CDK7: variants seen among roughly 807,000 people sequenced by gnomAD.
CDK7 encodes the protein cyclin dependent kinase 7.
A neutral mutation model predicts 49.1 loss-of-function variants in CDK7; 25 were observed. The observed-to-expected ratio is 0.51, with a 90% CI of 0.37 to 0.71. The LOEUF (loss-of-function observed/expected upper bound fraction) is 0.71, where lower values mean the gene tolerates loss of function less well. Ranked by LOEUF, CDK7 falls within the 30% of genes least tolerant of loss-of-function variation. The pLI is 0.00. For missense variants in CDK7, 316 were observed against 411.7 expected, an observed-to-expected ratio of 0.77 and a Z score of 2.01; for synonymous variants, 107 against 140.0, an observed-to-expected ratio of 0.76 and a Z score of 1.67.
rs377307018 is a variant in CDK7, at chr5:69,268,721, C to T, written c.628-486C>T. Among the ~76,000 whole-genome samples the T allele has an allele frequency of 6.0e-5, 9 of 150,762 alleles. No homozygotes were observed. In the East Asian group the frequency reaches 6.0e-4, roughly 10 times the overall value. On this transcript the variant is annotated intron_variant, in intron 8 of 11. Coordinates refer to ENST00000256443, the MANE Select transcript of CDK7 (RefSeq NM_001799.4). ...CAAAAAAATTAGCCAGGCGTGGTGG[C>T]GGGCGCCTGTAGTCCCAGCTACTCT...
chr5:69,267,730 T>G (rs1019218801), intron 8 of CDK7, among the ~76,000 whole-genome samples: 2 of 152,186 alleles, frequency 1.3e-5, no homozygotes, highest in South Asian at 2.1e-4. Flanking sequence ...TACATAGGCT[T>G]GTTCAAATTG....
chr5:69,254,960 C>G (rs1750392719), intron 4 of CDK7, among the ~76,000 whole-genome samples: 1 of 152,182 alleles, frequency 6.6e-6, no homozygotes, highest in Non-Finnish European at 1.5e-5. Flanking sequence ...CAAAACCTTT[C>G]TTTCTGCCTG....
At chr5:69,270,091 T>C (rs1007263205) in intron 9 of CDK7, among the ~76,000 whole-genome samples, 2 of 144,934 alleles carry the variant, frequency 1.4e-5, no homozygotes, top group Non-Finnish European at 3.1e-5. Context: ...AAAATTAAAC[T>C]TCTTATTTTG....
intron 3 of CDK7, 26 bp from the exon 4 acceptor site, chr5:69,254,576 A>T: frequency 9.3e-7 from 1 of 1,076,992 alleles, no homozygotes; most frequent in Non-Finnish European, 1.4e-6. Flanking sequence ...AGAATTATTC[A>T]CTTTTTGCTT....
intron 2 of CDK7, among the ~76,000 whole-genome samples, chr5:69,238,668 T>TA (rs1561342744): frequency 1.3e-5 from 2 of 151,418 alleles, no homozygotes; most frequent in Admixed American, 1.3e-4. Flanking sequence ...ATTTTATTTT[T>TA]TTTTTTGAGA....
chr5:69,236,305 T>C (rs1340967378), intron 2 of CDK7, among the ~76,000 whole-genome samples: 1 of 152,122 alleles, frequency 6.6e-6, no homozygotes, highest in Admixed American at 6.6e-5. Flanking sequence ...TTGTTTCTTT[T>C]AACCTTCAAA....
At chr5:69,273,063 A>G in intron 10 of CDK7, 22 bp downstream of exon 10, 1 of 1,415,612 alleles carries the variant, frequency 7.1e-7, no homozygotes, top group African/African-American at 1.4e-5. Context: ...TATCTTTTTT[A>G]TACTAGGAAA....
At position 69,277,213 on chromosome 5, in the gene CDK7, T is replaced by G; in HGVS notation, c.*78T>G. 9.7e-7 allele frequency: 1 copy of G among 1,033,488 alleles called. No homozygotes were observed. The highest frequency in any genetic ancestry group is 1.6e-5 in the African/African-American group (1 of 62,042). 64.0% of individuals were successfully genotyped at this position (1,033,488 alleles called of 1,614,324 possible). A position where few individuals can be genotyped will look rare whatever the true frequency, so the allele number is the denominator to read the frequency against. On this transcript the variant is annotated 3_prime_UTR_variant, in exon 12 of 12. Coordinates refer to ENST00000256443, the MANE Select transcript of CDK7 (RefSeq NM_001799.4). ...TAATGGAAAAATAGTAAACATTAAG[T>G]AAATGCTGTAGAAGTGAGTTTGTAA... is the stretch of plus-strand genomic sequence containing the variant.
At chr5:69,269,501 C>G (rs1338480623) in intron 9 of CDK7, among the ~76,000 whole-genome samples, 3 of 152,084 alleles carry the variant, frequency 2.0e-5, no homozygotes, top group African/African-American at 7.2e-5. Flanking sequence ...GTCCTTTCCC[C>G]CCACCCCAGT....
chr5:69,247,266 T>G (rs937730647), intron 2 of CDK7, among the ~76,000 whole-genome samples: 2 of 152,184 alleles, frequency 1.3e-5, no homozygotes, highest in Non-Finnish European at 2.9e-5. Context: ...ATCTGAGTGC[T>G]CCATTGTTGG....
chr5:69,263,875 A>G (rs756732549), intron 8 of CDK7, among the ~76,000 whole-genome samples: 1 of 152,236 alleles, frequency 6.6e-6, no homozygotes, highest in Non-Finnish European at 1.5e-5. Context: ...CCTGTTAACA[A>G]TCATACTTGG....
chr5:69,271,024 A>G (rs1045290691), intron 9 of CDK7, among the ~76,000 whole-genome samples: 1 of 152,148 alleles, frequency 6.6e-6, no homozygotes. Context: ...TGGTAGTTAC[A>G]TATTAATTTT....
chr5:69,258,376 A>AT (rs58004328), intron 6 of CDK7, among the ~76,000 whole-genome samples: 1,741 of 105,026 alleles, frequency 0.017, 53 homozygotes, highest in African/African-American at 0.046. Context: ...CCAGTCCCTC[A>AT]TTTTTTTTTT....
At chr5:69,257,126 G>A (rs1443207533) in intron 5 of CDK7, among the ~76,000 whole-genome samples, 1 of 152,114 alleles carries the variant, frequency 6.6e-6, no homozygotes, top group African/African-American at 2.4e-5. Context: ...TCTGGAAAAG[G>A]CAAAATGAAA....
intron 8 of CDK7, among the ~76,000 whole-genome samples, chr5:69,267,292 C>CTTTTTT (rs71612523): frequency 5.5e-5 from 5 of 91,096 alleles, no homozygotes; most frequent in Non-Finnish European, 8.4e-5. Context: ...ATAAGGATTC[C>CTTTTTT]TTTTTTTTTT....
intron 2 of CDK7, among the ~76,000 whole-genome samples, chr5:69,244,529 G>C (rs988633294): frequency 6.6e-6 from 1 of 151,566 alleles, no homozygotes; most frequent in African/African-American, 2.4e-5. Context: ...CCAGCTACTT[G>C]GGAGGCTGAG....
intron 2 of CDK7, among the ~76,000 whole-genome samples, chr5:69,247,752 A>T (rs1045292607): frequency 2.0e-5 from 3 of 151,496 alleles, no homozygotes; most frequent in African/African-American, 4.9e-5. Context: ...ATCTATTGTT[A>T]TGTTTTTAGA....
At chr5:69,253,154 T>C (rs1021918804) in intron 3 of CDK7, among the ~76,000 whole-genome samples, 1 of 152,230 alleles carries the variant, frequency 6.6e-6, no homozygotes. Context: ...CATGAGGAAA[T>C]TATTTCATTA....
chr5:69,234,968 G>A lies in CDK7; in HGVS notation c.-8G>A, dbSNP rs1376705995. ...CTTTTCGGCTGGAGTCGGGCTTTACGGCGCCGGATGGCTCTGGACGTGAAG... is the reference window on the plus strand; with the variant it reads ...CTTTTCGGCTGGAGTCGGGCTTTACAGCGCCGGATGGCTCTGGACGTGAAG... On this transcript the variant is annotated 5_prime_UTR_variant, in exon 1 of 12. Coordinates refer to ENST00000256443, the MANE Select transcript of CDK7 (RefSeq NM_001799.4). The A allele has an allele frequency of 3.1e-6, 5 of 1,590,702 alleles. No homozygotes were observed. The East Asian group carries it at 6.8e-5, about 22-fold the overall frequency.
Sources: allele counts gnomAD v4.1 joint callset (sites outside exome capture counted in the v4.1 genomes callset), GRCh38; gene constraint gnomAD v4.1.1; transcripts MANE v1.5; gene names NCBI Gene and HGNC (gene_info 2026-07-23, HGNC 2026-07-21).